FBXW10B: variants seen among roughly 807,000 people sequenced by gnomAD.
FBXW10B encodes the protein F-box and WD repeat domain containing protein 10B.
chr17:15,619,244 G>C, the FBXW10B span: 1 of 1,613,860 alleles, frequency 6.2e-7, no homozygotes, highest in East Asian at 2.2e-5. Flanking sequence ...GTCGATCCGG[G>C]ACCTGTTATA....
chr17:15,573,471 G>A, the FBXW10B span: 1 of 152,166 alleles, frequency 6.6e-6, no homozygotes. Flanking sequence ...TCAAACTCTA[G>A]TGAACACAGT....
At chr17:15,615,455 G>A in the FBXW10B span, among the ~76,000 whole-genome samples, 4,701 of 150,434 alleles carry the variant, frequency 0.031, 149 homozygotes, top group East Asian at 0.11. Context: ...TGGGACTACA[G>A]GTGCCTGCCA....
the FBXW10B span, among the ~76,000 whole-genome samples, chr17:15,613,112 A>G: frequency 1.3e-5 from 2 of 150,754 alleles, no homozygotes; most frequent in Admixed American, 1.3e-4. Flanking sequence ...TGCTGGGGAA[A>G]AAAAAAAAAT....
the FBXW10B span, chr17:15,605,114 C>G: frequency 6.6e-7 from 1 of 1,518,500 alleles, no homozygotes; most frequent in Non-Finnish European, 8.8e-7. Context: ...AAGTCAGTAT[C>G]TTCTAGGAAA....
chr17:15,614,169 C>T, the FBXW10B span: 1 of 1,117,498 alleles, frequency 8.9e-7, no homozygotes, highest in Admixed American at 2.6e-5. Flanking sequence ...AGATTTTTGT[C>T]ATCTCTTCTG....
the FBXW10B span, among the ~76,000 whole-genome samples, chr17:15,611,556 G>C: frequency 6.6e-6 from 1 of 152,078 alleles, no homozygotes; most frequent in Admixed American, 6.6e-5. Context: ...CAGCCACACC[G>C]TCCGCTACTC....
the FBXW10B span, among the ~76,000 whole-genome samples, chr17:15,607,358 C>G: frequency 2.8e-5 from 4 of 145,246 alleles, no homozygotes; most frequent in African/African-American, 1.0e-4. Context: ...TCAGCATACC[C>G]AAAATTTAGA....
the FBXW10B span, among the ~76,000 whole-genome samples, chr17:15,583,110 A>C: frequency 6.7e-6 from 1 of 148,344 alleles, no homozygotes; most frequent in Non-Finnish European, 1.5e-5. Context: ...TAAAATCTGG[A>C]AGACTTCACT....
At chr17:15,585,956 T>A in the FBXW10B span, among the ~76,000 whole-genome samples, 1 of 151,312 alleles carries the variant, frequency 6.6e-6, no homozygotes, top group African/African-American at 2.4e-5. Context: ...TTTTTTTTTT[T>A]TTTGAAGAAA....
chr17:15,604,894 A>T, the FBXW10B span, among the ~76,000 whole-genome samples: 1 of 152,256 alleles, frequency 6.6e-6, no homozygotes, highest in African/African-American at 2.4e-5. Context: ...ACCCATAAAA[A>T]ACCACGTTCC....
the FBXW10B span, chr17:15,572,548 GA>G: frequency 6.6e-6 from 1 of 152,178 alleles, no homozygotes; most frequent in Non-Finnish European, 1.5e-5. Context: ...GGGGAAGGTA[GA>G]ACTTTAGCCA....
the FBXW10B span, chr17:15,588,531 A>T: frequency 4.1e-6 from 1 of 244,406 alleles, no homozygotes; most frequent in South Asian, 5.5e-5. Context: ...TCTCTTATAG[A>T]GAGGAGTAAG....
the FBXW10B span, among the ~76,000 whole-genome samples, chr17:15,592,671 A>C: frequency 6.6e-6 from 1 of 151,702 alleles, no homozygotes. Context: ...GTGAGGCATC[A>C]AAGATAGCTG....
the FBXW10B span, among the ~76,000 whole-genome samples, chr17:15,576,827 G>A: frequency 2.3e-4 from 34 of 150,266 alleles, no homozygotes; most frequent in East Asian, 6.2e-3. Flanking sequence ...GTTTTGAAAT[G>A]AATGATGAAG....
At chr17:15,594,821 T>C in the FBXW10B span, 10 of 1,613,894 alleles carry the variant, frequency 6.2e-6, no homozygotes, top group Admixed American at 1.5e-4. Context: ...AGGCCATCAG[T>C]GCTTCCTGAG....
the FBXW10B span, among the ~76,000 whole-genome samples, chr17:15,579,154 T>A: frequency 7.9e-5 from 12 of 151,292 alleles, no homozygotes; most frequent in Non-Finnish European, 1.8e-4. Context: ...TTAAAATAAA[T>A]AAATAAATAA....
At chr17:15,603,209 A>T in the FBXW10B span, among the ~76,000 whole-genome samples, 1 of 151,634 alleles carries the variant, frequency 6.6e-6, no homozygotes, top group Non-Finnish European at 1.5e-5. Flanking sequence ...TGTTCAACAA[A>T]ATTCATGTAG....
chr17:15,618,943 G>A, the FBXW10B span: 10 of 1,576,472 alleles, frequency 6.3e-6, no homozygotes, highest in South Asian at 1.2e-4. Flanking sequence ...GTTCCTTACA[G>A]ATTTCTGAAG....
the FBXW10B span, among the ~76,000 whole-genome samples, chr17:15,576,556 T>C: frequency 6.6e-6 from 1 of 152,256 alleles, no homozygotes; most frequent in African/African-American, 2.4e-5. Context: ...ACTGGGCCTT[T>C]CTTCTTGTTA....
Sources: gnomAD v4.1 joint callset for allele counts (sites outside exome capture counted in the v4.1 genomes callset) on GRCh38, gnomAD v4.1.1 for gene constraint, MANE v1.5 for transcripts, NCBI Gene and HGNC (gene_info 2026-07-23, HGNC 2026-07-21) for gene names.